YEATS2: variants seen among roughly 807,000 people sequenced by gnomAD.
The protein encoded by YEATS2 is YEATS domain containing 2.
In YEATS2, 77 loss-of-function variants were observed where a neutral mutation model predicts 163.2. The observed-to-expected ratio is 0.47, with a 90% confidence interval of 0.39 to 0.57. YEATS2 has a LOEUF of 0.57. Among genes scored for constraint, YEATS2 ranks in the 20% least tolerant of loss-of-function variants. YEATS2 has a pLI of 0.00. For synonymous variants in YEATS2, 631 were observed against 645.1 expected (o/e 0.98, Z 0.33); for missense variants, 1,549 against 1,729.8 (o/e 0.90, Z 1.85).
chr3:183,777,306 G>A (rs1723094973), intron 18 of YEATS2, among the ~76,000 whole-genome samples: 1 of 152,220 alleles, frequency 6.6e-6, no homozygotes, highest in African/African-American at 2.4e-5. Context: ...CAAAACATGA[G>A]TTTTCAACAG....
intron 19 of YEATS2, among the ~76,000 whole-genome samples, chr3:183,779,547 A>G (rs1723348037): frequency 6.6e-6 from 1 of 152,156 alleles, no homozygotes; most frequent in African/African-American, 2.4e-5. Context: ...ATATGTTTCA[A>G]AAAAATAAGA....
chr3:183,804,030 TGGAGAA>T lies in YEATS2; in HGVS notation c.3628_3633del (p.Glu1210_Lys1211del), dbSNP rs755642849. Reference sequence around the variant, plus strand: ...ATGCGAAAAGTCTTACAAGAAATCCTGGAGAAGAATCCGAGATTTCACCACCTGACT... The same window carrying T: ...ATGCGAAAAGTCTTACAAGAAATCCTGAATCCGAGATTTCACCACCTGACT... On this transcript the variant is annotated inframe_deletion, in exon 27 of 31. Coordinates refer to ENST00000305135, the MANE Select transcript of YEATS2 (RefSeq NM_018023.5). 1 of 1,614,166 alleles carries T rather than the reference TGGAGAA, an allele frequency of 6.2e-7. No individual in the cohort carries two copies. Among genetic ancestry groups the T allele is most frequent in the Non-Finnish European group, 8.5e-7 (1 of 1,180,028 alleles).
At chr3:183,788,082 G>A (rs1478343376) in intron 20 of YEATS2, among the ~76,000 whole-genome samples, 1 of 152,096 alleles carries the variant, frequency 6.6e-6, no homozygotes, top group Non-Finnish European at 1.5e-5. Context: ...TTTTGATGCA[G>A]GCATACAATG....
intron 1 of YEATS2, among the ~76,000 whole-genome samples, chr3:183,704,117 A>G (rs938335045): frequency 6.6e-5 from 10 of 151,394 alleles, no homozygotes; most frequent in Admixed American, 6.0e-4. Flanking sequence ...CGCCACTGCA[A>G]TCCAGCTTGG....
At chr3:183,716,157 C>T (rs1715851005) in intron 2 of YEATS2, among the ~76,000 whole-genome samples, 1 of 152,092 alleles carries the variant, frequency 6.6e-6, no homozygotes, top group African/African-American at 2.4e-5. Context: ...GACGGGGTTT[C>T]ACCGTGTTAG....
chr3:183,734,233 G>C (rs1718106833), intron 7 of YEATS2, among the ~76,000 whole-genome samples: 1 of 152,190 alleles, frequency 6.6e-6, no homozygotes, highest in Non-Finnish European at 1.5e-5. Flanking sequence ...GTACTGGGGA[G>C]AGTGGTCTGG....
chr3:183,749,880 C>T (rs1008090830), intron 9 of YEATS2, among the ~76,000 whole-genome samples: 9 of 152,026 alleles, frequency 5.9e-5, no homozygotes, highest in Non-Finnish European at 1.0e-4. Flanking sequence ...TGCAGTGGCT[C>T]GATCTCGGCT....
chr3:183,798,436 C>T (rs1185292396), intron 22 of YEATS2, among the ~76,000 whole-genome samples: 1 of 152,158 alleles, frequency 6.6e-6, no homozygotes, highest in East Asian at 1.9e-4. Flanking sequence ...TCACTGCAAC[C>T]TCCACCTCCT....
intron 21 of YEATS2, among the ~76,000 whole-genome samples, chr3:183,795,103 G>C (rs1725011519): frequency 1.3e-5 from 2 of 151,246 alleles, no homozygotes; most frequent in Admixed American, 1.3e-4. Flanking sequence ...GGGAGGTCGA[G>C]GTTGCAGTGA....
At chr3:183,796,493 T>A (rs1321749897) in intron 21 of YEATS2, among the ~76,000 whole-genome samples, 1 of 150,970 alleles carries the variant, frequency 6.6e-6, no homozygotes, top group African/African-American at 2.4e-5. Context: ...AGAGAACATC[T>A]GATGTTTGAA....
At chr3:183,719,427 G>A (rs1577052766) in intron 4 of YEATS2, among the ~76,000 whole-genome samples, 5 of 152,102 alleles carry the variant, frequency 3.3e-5, no homozygotes, top group Admixed American at 2.6e-4. Flanking sequence ...GTGAGCCACC[G>A]GGCCCAGCCT....
rs146835303 is a variant in YEATS2, at chr3:183,761,488, T to C, written c.1657-19T>C. ...ACCCATTTCTCCTGATTGTAAAATA[T>C]GTATTTTTACACACACAGCAGGAGG... On this transcript the variant is annotated intron_variant, in intron 13 of 30. Transcript: ENST00000305135. The C allele has an allele frequency of 3.1e-3, 4,946 of 1,590,178 alleles. 19 individuals are homozygous for C. The highest frequency in any genetic ancestry group is 4.0e-3 in the Non-Finnish European group (4,671 of 1,158,062).
intron 2 of YEATS2, among the ~76,000 whole-genome samples, chr3:183,716,832 T>TC (rs1271480355): frequency 6.6e-6 from 1 of 151,968 alleles, no homozygotes; most frequent in African/African-American, 2.4e-5. Context: ...CTAACCTTTC[T>TC]CCCCCCACCA....
chr3:183,779,651 A>G (rs1723357130), intron 19 of YEATS2, among the ~76,000 whole-genome samples: 1 of 152,134 alleles, frequency 6.6e-6, no homozygotes, highest in African/African-American at 2.4e-5. Flanking sequence ...TCCCTGACCA[A>G]CGGATTTTAA....
chr3:183,725,534 A>G (rs1716996847), intron 6 of YEATS2, among the ~76,000 whole-genome samples: 1 of 152,236 alleles, frequency 6.6e-6, no homozygotes, highest in South Asian at 2.1e-4. Context: ...AAGGCAAGGG[A>G]GAAACAAAGC....
chr3:183,792,013 G>T (rs1272317867), intron 21 of YEATS2, among the ~76,000 whole-genome samples: 1 of 152,196 alleles, frequency 6.6e-6, no homozygotes, highest in Non-Finnish European at 1.5e-5. Context: ...CTGGTGTGTA[G>T]TGGCCATTAT....
intron 20 of YEATS2, among the ~76,000 whole-genome samples, chr3:183,790,283 C>T (rs1317092547): frequency 6.6e-6 from 1 of 152,152 alleles, no homozygotes; most frequent in African/African-American, 2.4e-5. Flanking sequence ...CTGTGCTTGC[C>T]GTAGCATCAT....
chr3:183,732,014 T>G (rs1717837772), intron 7 of YEATS2, among the ~76,000 whole-genome samples: 1 of 151,872 alleles, frequency 6.6e-6, no homozygotes, highest in Admixed American at 6.6e-5. Flanking sequence ...CCTGGAGAAA[T>G]CATATGCTGT....
intron 9 of YEATS2, among the ~76,000 whole-genome samples, chr3:183,749,995 T>C (rs1719993495): frequency 6.6e-6 from 1 of 152,042 alleles, no homozygotes; most frequent in Non-Finnish European, 1.5e-5. Flanking sequence ...TTTTTTTTTT[T>C]TTGTATTTTT....
Sources: allele counts gnomAD v4.1 joint callset (sites outside exome capture counted in the v4.1 genomes callset), GRCh38; gene constraint gnomAD v4.1.1; transcripts MANE v1.5; gene names NCBI Gene and HGNC (gene_info 2026-07-23, HGNC 2026-07-21).